SCYL3: variants seen among roughly 807,000 people sequenced by gnomAD.
SCYL3 encodes SCY1 like pseudokinase 3.
Under a neutral mutation model 73.8 loss-of-function variants are expected in SCYL3, and 35 were observed. The observed-to-expected ratio is 0.47, with a 90% CI of 0.36 to 0.63. SCYL3 has a LOEUF of 0.63. Among genes scored for constraint, SCYL3 ranks in the 20% least tolerant of loss-of-function variants. The pLI is 0.00. For synonymous variants in SCYL3, 277 were observed against 295.2 expected, an observed-to-expected ratio of 0.94 and a Z score of 0.63; for missense variants, 712 against 798.9, an observed-to-expected ratio of 0.89 and a Z score of 1.31.
At chr1:169,883,063 G>A (rs1297008480) in intron 2 of SCYL3, among the ~76,000 whole-genome samples, 1 of 152,024 alleles carries the variant, frequency 6.6e-6, no homozygotes, top group African/African-American at 2.4e-5. Flanking sequence ...CACTCACCGC[G>A]AAGGTCCACG....
At chr1:169,889,833 G>T (rs12025296) in intron 1 of SCYL3, among the ~76,000 whole-genome samples, 6,218 of 152,110 alleles carry the variant, frequency 0.041, 384 homozygotes, top group African/African-American at 0.13. Context: ...TATCAATTAC[G>T]CCTCAAAGTT....
chr1:169,853,483 C>G lies in SCYL3; in HGVS notation c.*230G>C. 2 of 489,436 alleles carry G rather than the reference C, an allele frequency of 4.1e-6. No homozygotes were observed. The highest frequency in any genetic ancestry group is 7.2e-6 in the Non-Finnish European group (2 of 279,304). The allele number at this position is 489,436 out of a possible 1,614,324, so 30.3% of individuals were successfully genotyped here. ...TAGAAACTGGCCTCAGTCAAATGCA[C>G]AAAGGCTCTTCCTCCTGGAAACCAG... On this transcript the variant is annotated 3_prime_UTR_variant, in exon 13 of 13. Transcript: ENST00000367771.
At position 169,850,061 on chromosome 1, in the gene SCYL3, TA is replaced by T. The variant is rs1183321878; in HGVS notation, c.*3651del. ...ATTAGTATGACCCAGCAGAAGTAAT[TA>T]AAGCTTACAACACTTGTACAGAAGT... On this transcript the variant is annotated 3_prime_UTR_variant, in exon 13 of 13. Transcript: ENST00000367771. 1.1e-4 allele frequency: 62 copies of T among 567,762 alleles called. No individual in the cohort carries two copies. The highest frequency in any genetic ancestry group is 8.1e-4 in the East Asian group (28 of 34,658). The allele number at this position is 567,762 out of a possible 1,614,324, so 35.2% of individuals were successfully genotyped here. A position where few individuals can be genotyped will look rare whatever the true frequency, so the allele number is the denominator to read the frequency against.
At chr1:169,863,073 C>T (rs12116524) in intron 9 of SCYL3, among the ~76,000 whole-genome samples, 9,907 of 151,934 alleles carry the variant, frequency 0.065, 428 homozygotes, top group Non-Finnish European at 0.099. Context: ...CCACCATGCC[C>T]GGCTAATTTT....
intron 11 of SCYL3, chr1:169,855,963 G>C: frequency 6.2e-7 from 1 of 1,606,790 alleles, no homozygotes; most frequent in African/African-American, 1.3e-5. Context: ...AGAATCTGAA[G>C]GTAAATAAAA....
chr1:169,886,792 C>T (rs1223445844), intron 2 of SCYL3, among the ~76,000 whole-genome samples: 2 of 152,118 alleles, frequency 1.3e-5, no homozygotes, highest in Non-Finnish European at 2.9e-5. Context: ...GTATTTCTCA[C>T]ATTATTTTGT....
At chr1:169,869,256 T>G in intron 6 of SCYL3, 3 of 531,242 alleles carry the variant, frequency 5.6e-6, no homozygotes, top group Non-Finnish European at 6.8e-6. Flanking sequence ...CCAGGTGCCA[T>G]TCCCTTCTAT....
At chr1:169,865,722 A>T (rs142898811) in intron 8 of SCYL3, among the ~76,000 whole-genome samples, 1 of 152,346 alleles carries the variant, frequency 6.6e-6, no homozygotes, top group Non-Finnish European at 1.5e-5. Flanking sequence ...CTGCTGGAAC[A>T]GCTCTTGCTA....
intron 7 of SCYL3, among the ~76,000 whole-genome samples, chr1:169,868,082 A>C (rs1436925295): frequency 6.6e-6 from 1 of 152,206 alleles, no homozygotes; most frequent in Non-Finnish European, 1.5e-5. Flanking sequence ...CATAATGGGA[A>C]AGTTTTGAAT....
chr1:169,854,240 T>C (rs1386245056), intron 12 of SCYL3, 30 bp downstream of exon 12: 1 of 1,512,576 alleles, frequency 6.6e-7, no homozygotes, highest in African/African-American at 1.4e-5. Context: ...CTAAAGCTAG[T>C]AGCACAGTTT....
intron 2 of SCYL3, among the ~76,000 whole-genome samples, chr1:169,880,887 G>A (rs1008841504): frequency 3.3e-5 from 5 of 151,136 alleles, no homozygotes; most frequent in South Asian, 4.2e-4. Flanking sequence ...TCAGCCTCCC[G>A]AGTAGCTGGG....
chr1:169,878,034 G>A (rs902248859), intron 3 of SCYL3, among the ~76,000 whole-genome samples: 1 of 152,134 alleles, frequency 6.6e-6, no homozygotes, highest in Non-Finnish European at 1.5e-5. Context: ...TAAGAAAACA[G>A]TAATACTGTC....
At position 169,851,881 on chromosome 1, in the gene SCYL3, T is replaced by G; in HGVS notation, c.*1832A>C. Reference sequence around the variant, plus strand: ...CGTGTGAAACAGGAAAAAGGTATTTTCTGGGAACCCTTTGCTAATGTGACT... The same window carrying G: ...CGTGTGAAACAGGAAAAAGGTATTTGCTGGGAACCCTTTGCTAATGTGACT... On this transcript the variant is annotated 3_prime_UTR_variant, in exon 13 of 13. Coordinates refer to ENST00000367771, the MANE Select transcript of SCYL3 (RefSeq NM_020423.7). 6.2e-7 allele frequency: 1 copy of G among 1,614,096 alleles called. No individual in the cohort carries two copies. Among genetic ancestry groups the G allele is most frequent in the Non-Finnish European group, 8.5e-7 (1 of 1,179,972 alleles).
intron 8 of SCYL3, 26 bp downstream of exon 8, chr1:169,866,870 T>A: frequency 2.4e-6 from 3 of 1,270,642 alleles, no homozygotes; most frequent in Non-Finnish European, 3.4e-6. Context: ...GTTATTCAAT[T>A]TAAATTCTTA....
intron 1 of SCYL3, among the ~76,000 whole-genome samples, chr1:169,891,241 A>T (rs1662060719): frequency 6.6e-6 from 1 of 152,222 alleles, no homozygotes; most frequent in African/African-American, 2.4e-5. Context: ...AGAGGAAGTC[A>T]GTTGGTAGTA....
chr1:169,878,549 A>T (rs1047966508), intron 3 of SCYL3, 85 bp downstream of exon 3: 1 of 1,148,580 alleles, frequency 8.7e-7, no homozygotes, highest in Non-Finnish European at 1.2e-6. Context: ...TATGAACACC[A>T]TAATTTATAA....
At chr1:169,863,452 T>C (rs554618731) in intron 9 of SCYL3, among the ~76,000 whole-genome samples, 113 of 152,342 alleles carry the variant, frequency 7.4e-4, no homozygotes, top group African/African-American at 2.7e-3. Context: ...GTTGTAGTTT[T>C]ATTTGCAAAA....
rs2102095286 is a variant in SCYL3 at position 169,851,738 on chromosome 1, C to T, written c.*1975G>A. 6.5e-7 allele frequency: 1 copy of T among 1,544,502 alleles called. No individual in the cohort carries two copies. The highest frequency in any genetic ancestry group is 8.7e-7 in the Non-Finnish European group (1 of 1,143,622). On this transcript the variant is annotated 3_prime_UTR_variant, in exon 13 of 13. Coordinates refer to ENST00000367771, the MANE Select transcript of SCYL3 (RefSeq NM_020423.7). ...GCCTAGTATGGTTGAACACTCAGCA[C>T]TTAAATTATGTGGCCATTTCATATC...
intron 9 of SCYL3, among the ~76,000 whole-genome samples, 196 bp downstream of exon 9, chr1:169,864,173 A>G (rs938174240): frequency 2.6e-5 from 4 of 152,212 alleles, no homozygotes; most frequent in Non-Finnish European, 4.4e-5. Context: ...TGGACTCTCT[A>G]GGAAGATGCT....
Sources: allele counts gnomAD v4.1 joint callset (sites outside exome capture counted in the v4.1 genomes callset), GRCh38; gene constraint gnomAD v4.1.1; transcripts MANE v1.5; gene names NCBI Gene and HGNC (gene_info 2026-07-23, HGNC 2026-07-21).